COL18A1: variants seen among roughly 807,000 people sequenced by gnomAD.
COL18A1 encodes the protein collagen type XVIII alpha 1 chain, also known as collagen alpha-1(XVIII) chain.
A neutral mutation model predicts 168.0 loss-of-function variants in COL18A1; 133 were observed. The observed-to-expected ratio is 0.79, with a 90% CI of 0.69 to 0.91. COL18A1 has a LOEUF of 0.91. Ranked by LOEUF, COL18A1 falls within the 40% of genes least tolerant of loss-of-function variation. The probability of loss-of-function intolerance (pLI) is 0.00; values close to 1 mark genes in which losing one functional copy is unlikely to be tolerated. For synonymous variants in COL18A1, 949 were observed against 809.0 expected, an observed-to-expected ratio of 1.17 and a Z score of -2.94; for missense variants, 2,126 against 1,925.4, an observed-to-expected ratio of 1.10 and a Z score of -1.95.
At chr21:45,449,426 C>A (rs544790052) in intron 2 of COL18A1, among the ~76,000 whole-genome samples, 1 of 152,156 alleles carries the variant, frequency 6.6e-6, no homozygotes, top group Non-Finnish European at 1.5e-5. Flanking sequence ...CTCTGCCGAG[C>A]GGTCAGAGGG....
intron 34 of COL18A1, among the ~76,000 whole-genome samples, 161 bp downstream of exon 34, chr21:45,504,717 G>A (rs1054423152): frequency 6.6e-6 from 1 of 152,056 alleles, no homozygotes; most frequent in Admixed American, 6.5e-5. Context: ...GACGCAGCAG[G>A]CCACATGGGT....
chr21:45,472,689 C>T lies in COL18A1; in HGVS notation c.652-1206C>T, dbSNP rs557867768. On this transcript the variant is annotated intron_variant, in intron 3 of 41. Transcript: ENST00000651438. ...GCCGACCTGGGGGCACTGTAGGCAA[C>T]GCCCTCCCCCGCAGTGTGACGCTGA... Among the ~76,000 whole-genome samples, 248 of 152,296 alleles carry T rather than the reference C, an allele frequency of 1.6e-3. 1 individual carries two copies. Among genetic ancestry groups the T allele is most frequent in the African/African-American group, 5.8e-3 (240 of 41,574 alleles).
intron 9 of COL18A1, among the ~76,000 whole-genome samples, chr21:45,478,742 C>T (rs1425937426): frequency 2.0e-5 from 3 of 152,024 alleles, no homozygotes; most frequent in South Asian, 4.1e-4. Context: ...TCGCAAAACA[C>T]GCAGTTCAGT....
chr21:45,435,532 C>T (rs1166540577), intron 2 of COL18A1, among the ~76,000 whole-genome samples: 2 of 152,070 alleles, frequency 1.3e-5, no homozygotes, highest in Non-Finnish European at 2.9e-5. Flanking sequence ...GGAGCACCCA[C>T]CCTCTGAGCC....
At position 45,505,237 on chromosome 21, in the gene COL18A1, G is replaced by GC; in HGVS notation, c.2978dup (p.Gly994ArgfsTer93). On this transcript the variant is annotated frameshift_variant, in exon 35 of 42. Coordinates refer to ENST00000651438, the MANE Select transcript of COL18A1 (RefSeq NM_001379500.1). LOFTEE classifies it high-confidence loss of function. ...CGCCAGGGCCCTCCCGGCCCCCCAG[G>GC]CCCCCCAGGGCCCCCTTCATTTCCT... 9 of 1,602,888 alleles carry GC rather than the reference G, an allele frequency of 5.6e-6. No homozygotes were observed. The highest frequency in any genetic ancestry group is 1.7e-5 in the Admixed American group (1 of 59,280).
chr21:45,454,413 G>C (rs1203111589), intron 2 of COL18A1, among the ~76,000 whole-genome samples: 1 of 152,200 alleles, frequency 6.6e-6, no homozygotes, highest in Admixed American at 6.5e-5. Context: ...AGGAGGCAGG[G>C]TGACGAGGGA....
chr21:45,407,027 G>A (rs543777387), intron 2 of COL18A1, among the ~76,000 whole-genome samples: 2 of 152,236 alleles, frequency 1.3e-5, no homozygotes, highest in South Asian at 4.1e-4. Context: ...GAAGGCGGGT[G>A]GCCAGGAGGC....
intron 32 of COL18A1, 112 bp downstream of exon 32, chr21:45,497,773 G>T: frequency 7.0e-7 from 1 of 1,427,892 alleles, no homozygotes; most frequent in Middle Eastern, 1.7e-4. Flanking sequence ...ACTGGGTGGT[G>T]ACCACCTCAC....
At chr21:45,477,630 C>A in intron 7 of COL18A1, 120 bp from the exon 8 acceptor site, 1 of 1,251,096 alleles carries the variant, frequency 8.0e-7, no homozygotes, top group Non-Finnish European at 1.1e-6. Flanking sequence ...CATGCGTCCA[C>A]CCTGCGTGTC....
chr21:45,500,581 G>GGT (rs1446733270), intron 32 of COL18A1, among the ~76,000 whole-genome samples: 1 of 23,460 alleles, frequency 4.3e-5, no homozygotes. Context: ...GGTGTGGTTT[G>GGT]GTGTGTTGGG....
chr21:45,511,655 T>C (rs2037614863), intron 41 of COL18A1, among the ~76,000 whole-genome samples: 2 of 152,030 alleles, frequency 1.3e-5, no homozygotes, highest in Non-Finnish European at 2.9e-5. Context: ...TCGTCCCAAA[T>C]GTCGCTGTGC....
At chr21:45,478,902 A>G (rs1456727333) in intron 9 of COL18A1, among the ~76,000 whole-genome samples, 2 of 152,178 alleles carry the variant, frequency 1.3e-5, no homozygotes, top group African/African-American at 4.8e-5. Flanking sequence ...CAAGTTAAAA[A>G]CAGTCTAGAA....
intron 2 of COL18A1, among the ~76,000 whole-genome samples, chr21:45,435,327 G>A (rs1261654431): frequency 6.7e-6 from 1 of 150,328 alleles, no homozygotes; most frequent in African/African-American, 2.4e-5. Flanking sequence ...GGAGGGAGGA[G>A]GAGGAAGTGG....
intron 5 of COL18A1, 113 bp downstream of exon 5, chr21:45,475,648 C>A: frequency 1.1e-6 from 1 of 920,106 alleles, no homozygotes; most frequent in Non-Finnish European, 1.7e-6. Flanking sequence ...TCCCTCTATG[C>A]CACGAAGACA....
At chr21:45,504,301 C>G (rs1389827381) in intron 33 of COL18A1, 115 bp from the exon 34 acceptor site, 1 of 1,111,800 alleles carries the variant, frequency 9.0e-7, no homozygotes, top group Non-Finnish European at 1.3e-6. Flanking sequence ...CCAGCAGCTC[C>G]CAGGCCTGGG....
chr21:45,502,216 G>T (rs887241012), intron 32 of COL18A1, among the ~76,000 whole-genome samples: 1 of 152,222 alleles, frequency 6.6e-6, no homozygotes, highest in Non-Finnish European at 1.5e-5. Context: ...GGCCCTGGGG[G>T]TGTGGAGCCA....
At chr21:45,453,625 C>G (rs562320832) in intron 2 of COL18A1, among the ~76,000 whole-genome samples, 1 of 152,110 alleles carries the variant, frequency 6.6e-6, no homozygotes, top group Non-Finnish European at 1.5e-5. Context: ...GGACAGGAAG[C>G]TCTCAAAGCA....
At chr21:45,462,925 C>T (rs2035091886) in intron 2 of COL18A1, among the ~76,000 whole-genome samples, 1 of 152,170 alleles carries the variant, frequency 6.6e-6, no homozygotes, top group Admixed American at 6.5e-5. Context: ...TGTTTTGTGT[C>T]TGTGCCAGAA....
chr21:45,414,909 G>C (rs746949125), intron 2 of COL18A1, among the ~76,000 whole-genome samples: 2 of 152,122 alleles, frequency 1.3e-5, no homozygotes, highest in Non-Finnish European at 2.9e-5. Flanking sequence ...ACGTCATTAC[G>C]AGGGTCCTTA....
Sources: gnomAD v4.1 joint callset for allele counts (sites outside exome capture counted in the v4.1 genomes callset) on GRCh38, gnomAD v4.1.1 for gene constraint, MANE v1.5 for transcripts, NCBI Gene and HGNC (gene_info 2026-07-23, HGNC 2026-07-21) for gene names.